VWA3A: variants seen among roughly 807,000 people sequenced by gnomAD.
VWA3A encodes the protein von Willebrand factor A domain containing 3A.
VWA3A carries 134 observed loss-of-function variants against 160.4 expected under a neutral mutation model. That is an observed-to-expected ratio of 0.84 (90% confidence interval 0.73 to 0.96). The LOEUF (loss-of-function observed/expected upper bound fraction) is 0.96. Ranked by LOEUF, VWA3A falls within the 40% of genes least tolerant of loss-of-function variation. The pLI is 0.00. For synonymous variants in VWA3A, 476 were observed against 543.4 expected, an observed-to-expected ratio of 0.88 and a Z score of 1.72; for missense variants, 1,310 against 1,447.9, an observed-to-expected ratio of 0.90 and a Z score of 1.55.
At chr16:22,110,777 A>G in intron 7 of VWA3A, 111 bp from the exon 8 acceptor site, 1 of 970,776 alleles carries the variant, frequency 1.0e-6, no homozygotes, top group Non-Finnish European at 1.5e-6. Context: ...GAGCAGCCCT[A>G]TTCAGTACAG....
intron 17 of VWA3A, among the ~76,000 whole-genome samples, chr16:22,129,632 A>C (rs182683663): frequency 8.5e-5 from 13 of 152,244 alleles, no homozygotes; most frequent in Admixed American, 8.5e-4. Context: ...AGACCTAGCC[A>C]AGAAATAAGG....
At position 22,105,735 on chromosome 16, in the gene VWA3A, G is replaced by A. The variant is rs182984734; in HGVS notation, c.483+2206G>A. Among the ~76,000 whole-genome samples the A allele has an allele frequency of 4.2e-3, 633 of 152,262 alleles. 7 individuals are homozygous for A. Among genetic ancestry groups the A allele is most frequent in the African/African-American group, 0.015 (603 of 41,554 alleles). On this transcript the variant is annotated intron_variant, in intron 6 of 33. Transcript: ENST00000389398. ...GGAATAAATGTCTAGAACTTCAATG[G>A]CTAGGTTTAGGGAATGAATGTTTTC... is the stretch of plus-strand genomic sequence containing the variant.
chr16:22,136,113 A>T (rs532934355), intron 21 of VWA3A, among the ~76,000 whole-genome samples: 10 of 152,314 alleles, frequency 6.6e-5, no homozygotes, highest in African/African-American at 2.4e-4. Flanking sequence ...TAGACACACT[A>T]AAATGTTACT....
chr16:22,144,145 C>A, intron 25 of VWA3A, 102 bp from the exon 26 acceptor site: 1 of 1,372,554 alleles, frequency 7.3e-7, no homozygotes, highest in Non-Finnish European at 9.7e-7. Context: ...ACATTTCAAA[C>A]ATCATACAGG....
chr16:22,116,938 T>C, intron 10 of VWA3A, 71 bp downstream of exon 10: 1 of 1,498,816 alleles, frequency 6.7e-7, no homozygotes, highest in Non-Finnish European at 9.2e-7. Context: ...CTTTGAGGCC[T>C]CATGCTTGGA....
rs772733072 is a variant in VWA3A at position 22,148,279 on chromosome 16, G to C, written c.2957G>C (p.Trp986Ser). ...QVKTELVLLI[W>S]EQLRKCCDSF... is the part of the protein sequence containing the mutation. ...AAGACAGAGCTGGTTTTGCTGATTTGGGAACAGCTGCGGAAGTGCTGTGAC... is the reference window on the plus strand; with the variant it reads ...AAGACAGAGCTGGTTTTGCTGATTTCGGAACAGCTGCGGAAGTGCTGTGAC... Residue 986 changes from tryptophan (W) to serine (S), a missense_variant, in exon 28 of 34, where the codon TGG (tryptophan) becomes TCG (serine). Coordinates refer to ENST00000389398, the MANE Select transcript of VWA3A (RefSeq NM_173615.5). 1.3e-6 allele frequency: 2 copies of C among 1,597,414 alleles called. No individual in the cohort carries two copies. The highest frequency in any genetic ancestry group is 2.7e-5 in the African/African-American group (2 of 74,626).
At chr16:22,131,477 A>G in intron 18 of VWA3A, 108 bp from the exon 19 acceptor site, 1 of 1,518,726 alleles carries the variant, frequency 6.6e-7, no homozygotes, top group East Asian at 2.4e-5. Flanking sequence ...GAGAGTGATG[A>G]CATCGACTCC....
chr16:22,130,479 G>A (rs2045928746), intron 17 of VWA3A, among the ~76,000 whole-genome samples: 1 of 152,124 alleles, frequency 6.6e-6, no homozygotes, highest in South Asian at 2.1e-4. Flanking sequence ...AAGGCCAGGT[G>A]GAGGAATTAA....
intron 12 of VWA3A, among the ~76,000 whole-genome samples, chr16:22,119,323 C>A (rs1315503215): frequency 6.6e-6 from 1 of 152,208 alleles, no homozygotes; most frequent in Non-Finnish European, 1.5e-5. Context: ...CCCTCCCTTA[C>A]CCCCAGTTTG....
At chr16:22,097,925 C>T (rs1170518560) in intron 3 of VWA3A, among the ~76,000 whole-genome samples, 1 of 152,136 alleles carries the variant, frequency 6.6e-6, no homozygotes, top group Non-Finnish European at 1.5e-5. Context: ...TATTCAGGAG[C>T]ATGTGAAGAC....
At chr16:22,093,372 GA>G (rs892979589) in intron 1 of VWA3A, among the ~76,000 whole-genome samples, 32 of 152,082 alleles carry the variant, frequency 2.1e-4, no homozygotes, top group African/African-American at 7.5e-4. Flanking sequence ...ATGCTGTGGG[GA>G]AAGACAAAGC....
intron 17 of VWA3A, among the ~76,000 whole-genome samples, chr16:22,130,953 G>A (rs1009492053): frequency 3.9e-5 from 6 of 152,134 alleles, no homozygotes; most frequent in Non-Finnish European, 8.8e-5. Flanking sequence ...TTAAAGAGGG[G>A]GCCACACGCC....
In VWA3A at chr16:22,150,371, A is replaced by G. The variant is rs535193017; in HGVS notation, c.3130-324A>G. 3.9e-5 allele frequency among the ~76,000 whole-genome samples: 6 copies of G among 152,342 alleles called. No homozygotes were observed. In the South Asian group the frequency reaches 1.2e-3, roughly 32 times the overall value. On this transcript the variant is annotated intron_variant, in intron 29 of 33. Coordinates refer to ENST00000389398, the MANE Select transcript of VWA3A (RefSeq NM_173615.5). ...AGCCGAGATTGCACCATTGCACTCC[A>G]GCCTGGGCAACAAGAACGAAACTCC...
At position 22,141,559 on chromosome 16, in the gene VWA3A, C is replaced by T. The variant is rs372997876; in HGVS notation, c.2384-23C>T. On this transcript the variant is annotated intron_variant, in intron 23 of 33. Coordinates refer to ENST00000389398, the MANE Select transcript of VWA3A (RefSeq NM_173615.5). ...GCAAGAATGCATGCAGCTGCTCCAG[C>T]CAACAAGCCAAATGTTCCTCAGCTG... 1.1e-4 allele frequency: 175 copies of T among 1,591,086 alleles called. No homozygotes were observed. In the African/African-American group the frequency reaches 2.3e-3, roughly 21 times the overall value.
intron 26 of VWA3A, 102 bp from the exon 27 acceptor site, chr16:22,146,134 G>A (rs2046245242): frequency 9.4e-6 from 9 of 955,094 alleles, no homozygotes; most frequent in Non-Finnish European, 1.4e-5. Flanking sequence ...CAAATATTTT[G>A]AGAATTGTTA....
Position 22,131,703 on chromosome 16 carries a change from A to G in VWA3A, c.1846A>G (p.Thr616Ala). The G allele has an allele frequency of 6.2e-7, 1 of 1,613,946 alleles. No individual in the cohort carries two copies. The highest frequency in any genetic ancestry group is 8.5e-7 in the Non-Finnish European group (1 of 1,179,862). The change falls in exon 19 of 34, where the codon ACT (threonine) becomes GCT (alanine). Residue 616 changes from threonine to alanine, a missense_variant. Thr to Ala is a moderately conservative substitution (Grantham distance 58). Transcript: ENST00000389398. ...KHQSQGIYLF[T>A]GGIPDQDMPT... is the part of the protein sequence containing the mutation. ...CCAATCGCAGGGAATCTACCTCTTC[A>G]CTGGGGGCATCCCCGACCAGGACAT...
intron 18 of VWA3A, 141 bp from the exon 19 acceptor site, chr16:22,131,444 C>G: frequency 1.4e-6 from 2 of 1,452,368 alleles, no homozygotes; most frequent in East Asian, 2.4e-5. Flanking sequence ...GCTGCTCTCC[C>G]CACCTGGCCA....
At chr16:22,097,190 C>A (rs909404656) in intron 2 of VWA3A, among the ~76,000 whole-genome samples, 18 of 152,008 alleles carry the variant, frequency 1.2e-4, no homozygotes, top group African/African-American at 3.6e-4. Flanking sequence ...TGGTCTCGAT[C>A]CCCTGACCTC....
intron 11 of VWA3A, among the ~76,000 whole-genome samples, chr16:22,117,421 G>C (rs148661306): frequency 2.6e-5 from 4 of 152,194 alleles, no homozygotes; most frequent in African/African-American, 9.6e-5. Flanking sequence ...GATTGAATGC[G>C]TGGGAGCCCA....
Sources: gnomAD v4.1 joint callset for allele counts (sites outside exome capture counted in the v4.1 genomes callset) on GRCh38, gnomAD v4.1.1 for gene constraint, MANE v1.5 for transcripts, NCBI Gene and HGNC (gene_info 2026-07-23, HGNC 2026-07-21) for gene names.